Variants in GBF1 observed in about 807,000 individuals in gnomAD.
The protein encoded by GBF1 is Golgi-specific brefeldin A-resistance guanine nucleotide exchange factor 1.
In GBF1, 114 loss-of-function variants were observed where a neutral mutation model predicts 210.5. That is an observed-to-expected ratio of 0.54 (90% CI 0.47 to 0.63). The LOEUF is 0.63. GBF1 is among the 30% of genes least tolerant of loss of function. The pLI is 0.00. For synonymous variants in GBF1, 850 were observed against 889.2 expected (o/e 0.96, Z 0.78); for missense variants, 1,851 against 2,357.7 (o/e 0.79, Z 4.45).
chr10:102,269,911 C>T (rs571369313), intron 3 of GBF1, among the ~76,000 whole-genome samples: 1 of 150,050 alleles, frequency 6.7e-6, no homozygotes, highest in Admixed American at 6.6e-5. Flanking sequence ...CGGAATCTTG[C>T]TCTGTCACCG....
chr10:102,314,859 A>C (rs1244523917), intron 3 of GBF1, among the ~76,000 whole-genome samples: 1 of 152,224 alleles, frequency 6.6e-6, no homozygotes, highest in Non-Finnish European at 1.5e-5. Flanking sequence ...TCATTTAATC[A>C]GGCAAGTCTG....
intron 30 of GBF1, 51 bp downstream of exon 30, chr10:102,375,635 C>T: frequency 8.4e-7 from 1 of 1,191,396 alleles, no homozygotes; most frequent in Non-Finnish European, 1.2e-6. Context: ...AGTTACACCC[C>T]AGGAGTTGGG....
At chr10:102,242,979 A>T (rs181346767), upstream of GBF1, among the ~76,000 whole-genome samples, 46 of 151,348 alleles carry the variant, frequency 3.0e-4, no homozygotes, top group African/African-American at 1.1e-3. Context: ...TATGCCCCTA[A>T]GGCAAATCTG....
Position 102,344,086 on chromosome 10 carries a change from C to T in GBF1, c.199C>T (p.Pro67Ser), listed in dbSNP as rs761495253. The T allele has an allele frequency of 5.1e-5, 82 of 1,612,184 alleles. 1 individual carries two copies. The South Asian group carries it at 8.0e-4, about 16-fold the overall frequency. ...SEIEPNVFLR[P>S]FLEVIRSEDT... ...AATTGAGCCCAATGTATTCCTTCGA[C>T]CTTTTCTGGAAGTGATTCGCTCTGA... Residue 67 changes from proline to serine, a missense_variant, in exon 4 of 40, where the codon CCT (proline) becomes TCT (serine). By Grantham distance (74) the Pro-to-Ser change is moderately conservative. Transcript: ENST00000369983.
In GBF1 at chr10:102,310,056, T is replaced by C. The variant is rs570506582; in HGVS notation, c.164-33995T>C. 3.3e-5 allele frequency among the ~76,000 whole-genome samples: 5 copies of C among 152,364 alleles called. No individual in the cohort carries two copies. In the South Asian group the frequency reaches 1.0e-3, roughly 32 times the overall value. On this transcript the variant is annotated intron_variant, in intron 3 of 39. Transcript: ENST00000369983. Reference sequence around the variant, plus strand: ...AGAGTTGTACTGGGTATTATGGAACTGGAAAGAAGCCATGTGGATAGTTAC... The same window carrying C: ...AGAGTTGTACTGGGTATTATGGAACCGGAAAGAAGCCATGTGGATAGTTAC...
intron 3 of GBF1, among the ~76,000 whole-genome samples, chr10:102,293,280 G>A (rs1049637887): frequency 4.6e-5 from 7 of 152,170 alleles, no homozygotes; most frequent in African/African-American, 1.7e-4. Context: ...ATAGTATAAC[G>A]TATCACTCGT....
At chr10:102,301,861 G>A (rs2133842755) in intron 3 of GBF1, among the ~76,000 whole-genome samples, 1 of 152,296 alleles carries the variant, frequency 6.6e-6, no homozygotes, top group South Asian at 2.1e-4. Context: ...CCCAGAAGGG[G>A]TGGCGGCCGG....
chr10:102,282,093 A>ATT (rs58472334), intron 3 of GBF1, among the ~76,000 whole-genome samples: 1 of 143,612 alleles, frequency 7.0e-6, no homozygotes. Context: ...CACCCGGCTA[A>ATT]TTTTTTTTTT....
chr10:102,360,304 T>C lies in GBF1; in HGVS notation c.1301T>C (p.Leu434Ser). ...GTTATGATTCACATGGGACTGCATT[T>C]GCTGACAGTGGCCCTTGAGTCAGCC... ...SEVMIHMGLH[L>S]LTVALESAPV... Residue 434 changes from leucine (L) to serine (S), a missense_variant, in exon 12 of 40, where the codon TTG (leucine) becomes TCG (serine). By Grantham distance (145) the Leu-to-Ser change is moderately radical. Coordinates refer to ENST00000369983, the MANE Select transcript of GBF1 (RefSeq NM_001377137.1). 6.2e-7 allele frequency: 1 copy of C among 1,613,896 alleles called. No homozygotes were observed. Among genetic ancestry groups the C allele is most frequent in the Non-Finnish European group, 8.5e-7 (1 of 1,179,766 alleles).
chr10:102,355,485 A>C (rs911518416), intron 8 of GBF1, among the ~76,000 whole-genome samples: 2 of 152,124 alleles, frequency 1.3e-5, no homozygotes, highest in East Asian at 3.8e-4. Flanking sequence ...CCCACCCCAC[A>C]CCTTCAGACC....
intron 3 of GBF1, among the ~76,000 whole-genome samples, chr10:102,275,800 G>A (rs1226107007): frequency 6.6e-6 from 1 of 152,196 alleles, no homozygotes; most frequent in Non-Finnish European, 1.5e-5. Flanking sequence ...AAAGTTCTTG[G>A]TTCAGTCCAC....
intron 3 of GBF1, among the ~76,000 whole-genome samples, chr10:102,265,171 C>T (rs972364628): frequency 1.3e-5 from 2 of 152,086 alleles, no homozygotes; most frequent in Admixed American, 1.3e-4. Flanking sequence ...CTCTTTGTTC[C>T]CAGACTAGAT....
chr10:102,231,173 C>A, the GBF1 span: 1 of 1,393,368 alleles, frequency 7.2e-7, no homozygotes, highest in Non-Finnish European at 9.4e-7. Flanking sequence ...GCCACCCCGA[C>A]GGGGCTTCCA....
intron 3 of GBF1, among the ~76,000 whole-genome samples, chr10:102,287,549 A>G (rs2076068254): frequency 6.6e-6 from 1 of 152,010 alleles, no homozygotes; most frequent in Non-Finnish European, 1.5e-5. Context: ...GTTCTGGCTT[A>G]GGGTCTCTCA....
intron 3 of GBF1, 147 bp from the exon 4 acceptor site, chr10:102,343,904 T>G (rs2058361077): frequency 3.4e-6 from 2 of 595,802 alleles, no homozygotes; most frequent in African/African-American, 3.7e-5. Flanking sequence ...TGATACAGTG[T>G]CTGGGATTTG....
At chr10:102,238,172 A>G in the GBF1 span, among the ~76,000 whole-genome samples, 1 of 152,094 alleles carries the variant, frequency 6.6e-6, no homozygotes, top group Non-Finnish European at 1.5e-5. Flanking sequence ...CCTCCCCATC[A>G]TTCTTTTCAT....
At chr10:102,337,639 G>A (rs1055631855) in intron 3 of GBF1, among the ~76,000 whole-genome samples, 3 of 152,056 alleles carry the variant, frequency 2.0e-5, no homozygotes, top group Non-Finnish European at 4.4e-5. Context: ...ACCACCTGAG[G>A]TCAGGAGTGC....
At chr10:102,289,940 T>C (rs983206154) in intron 3 of GBF1, among the ~76,000 whole-genome samples, 1 of 151,970 alleles carries the variant, frequency 6.6e-6, no homozygotes, top group South Asian at 2.1e-4. Context: ...TGGGACCCCG[T>C]CTGTACAAAA....
chr10:102,315,960 T>C (rs971360279), intron 3 of GBF1, among the ~76,000 whole-genome samples: 2 of 152,148 alleles, frequency 1.3e-5, no homozygotes, highest in Non-Finnish European at 2.9e-5. Context: ...GATAGCAGAC[T>C]ATATAATACT....
Sources: gnomAD v4.1 joint callset for allele counts (sites outside exome capture counted in the v4.1 genomes callset) on GRCh38, gnomAD v4.1.1 for gene constraint, MANE v1.5 for transcripts, NCBI Gene and HGNC (gene_info 2026-07-23, HGNC 2026-07-21) for gene names.